The following FUT9 variants were observed in gnomAD, a reference collection of about 807,000 sequenced individuals.
FUT9 encodes 4-galactosyl-N-acetylglucosaminide 3-alpha-L-fucosyltransferase 9.
Under a neutral mutation model 29.7 loss-of-function variants are expected in FUT9, and 15 were observed. That is an observed-to-expected ratio of 0.51 (90% confidence interval 0.34 to 0.78). The LOEUF is 0.78. Among genes scored for constraint, FUT9 ranks in the 30% least tolerant of loss-of-function variants. The pLI is 0.01. For missense variants in FUT9, 319 were observed against 425.4 expected (o/e 0.75, Z 2.20); for synonymous variants, 169 against 153.7 (o/e 1.10, Z -0.74).
intron 2 of FUT9, among the ~76,000 whole-genome samples, chr6:96,125,615 T>C (rs967982215): frequency 2.6e-4 from 40 of 152,176 alleles, no homozygotes; most frequent in African/African-American, 9.7e-4. Flanking sequence ...GATGAAGTCG[T>C]TGGGTCAAGG....
At chr6:96,093,111 A>G (rs1458893698) in intron 1 of FUT9, among the ~76,000 whole-genome samples, 1 of 151,984 alleles carries the variant, frequency 6.6e-6, no homozygotes, top group Non-Finnish European at 1.5e-5. Flanking sequence ...GTTATTTCTC[A>G]TTGACTTATG....
chr6:96,159,858 T>A (rs2127979510), intron 2 of FUT9, among the ~76,000 whole-genome samples: 1 of 152,300 alleles, frequency 6.6e-6, no homozygotes, highest in South Asian at 2.1e-4. Context: ...GCATCACTGA[T>A]CCATGCTTTA....
At chr6:96,026,627 C>T (rs1770173814) in intron 1 of FUT9, among the ~76,000 whole-genome samples, 2 of 151,518 alleles carry the variant, frequency 1.3e-5, no homozygotes, top group Admixed American at 6.6e-5. Flanking sequence ...TGAAGGGTGT[C>T]CAAATTTTCC....
chr6:96,054,757 T>C (rs1010757623), intron 1 of FUT9, among the ~76,000 whole-genome samples: 1 of 152,184 alleles, frequency 6.6e-6, no homozygotes, highest in Non-Finnish European at 1.5e-5. Context: ...AATCCCTTTG[T>C]ATTTCAGTAC....
chr6:96,017,370 C>A (rs1769998061), intron 1 of FUT9, among the ~76,000 whole-genome samples: 1 of 152,062 alleles, frequency 6.6e-6, no homozygotes, highest in Admixed American at 6.6e-5. Context: ...GAACAGTAGT[C>A]GTTTCTTCTG....
intron 2 of FUT9, among the ~76,000 whole-genome samples, chr6:96,158,301 C>T (rs561446792): frequency 6.6e-6 from 1 of 152,080 alleles, no homozygotes; most frequent in Non-Finnish European, 1.5e-5. Context: ...CAAGGATTTT[C>T]CCCACTGTGC....
chr6:96,020,253 C>T (rs979370578), intron 1 of FUT9, among the ~76,000 whole-genome samples: 3 of 152,134 alleles, frequency 2.0e-5, no homozygotes, highest in African/African-American at 7.2e-5. Context: ...AATAGCATGT[C>T]ATGGACACTT....
intron 2 of FUT9, among the ~76,000 whole-genome samples, chr6:96,129,980 T>C (rs1040007536): frequency 6.6e-6 from 1 of 152,056 alleles, no homozygotes; most frequent in Admixed American, 6.5e-5. Flanking sequence ...TTTACCACAG[T>C]TGTAGGGCTT....
chr6:96,129,291 AAC>A (rs1248158722), intron 2 of FUT9, among the ~76,000 whole-genome samples: 729 of 7,082 alleles, frequency 0.1, 61 homozygotes, highest in South Asian at 0.35. Flanking sequence ...AAAAAAAAAA[AAC>A]AAACAACCAG....
rs988551908 is a variant in FUT9, at chr6:96,213,591, A to T, written c.*9356A>T. On this transcript the variant is annotated 3_prime_UTR_variant, in exon 3 of 3. Coordinates refer to ENST00000302103, the MANE Select transcript of FUT9 (RefSeq NM_006581.4). ...TTATTTCTGATAAGAATTTAATTGCATTGTGCTAATAGTTGTTTATTGCTA... is the reference window on the plus strand; with the variant it reads ...TTATTTCTGATAAGAATTTAATTGCTTTGTGCTAATAGTTGTTTATTGCTA... 1.2e-4 allele frequency: 20 copies of T among 166,878 alleles called. No individual in the cohort carries two copies. The Admixed American group carries it at 1.3e-3, about 11-fold the overall frequency. The allele number at this position is 166,878 out of a possible 1,614,324, so 10.3% of individuals were successfully genotyped here. A position where few individuals can be genotyped will look rare whatever the true frequency, so the allele number is the denominator to read the frequency against.
intron 2 of FUT9, among the ~76,000 whole-genome samples, chr6:96,194,716 T>G (rs1490686087): frequency 8.0e-6 from 1 of 124,878 alleles, no homozygotes. Context: ...TTTTTTTTTT[T>G]TAATCTGTTG....
At chr6:96,102,333 G>C (rs1346959261) in intron 1 of FUT9, among the ~76,000 whole-genome samples, 1 of 151,108 alleles carries the variant, frequency 6.6e-6, no homozygotes, top group East Asian at 1.9e-4. Context: ...ATTTACCTGA[G>C]TTTAAAAAAA....
chr6:96,204,002 G>T lies in FUT9; in HGVS notation c.847G>T (p.Ala283Ser). The T allele has an allele frequency of 1.2e-6, 2 of 1,610,046 alleles. No individual in the cohort carries two copies. The highest frequency in any genetic ancestry group is 4.5e-5 in the East Asian group (2 of 44,830). Residue 283 changes from alanine to serine, a missense_variant, in exon 3 of 3, where the codon GCA becomes TCA. Coordinates refer to ENST00000302103, the MANE Select transcript of FUT9 (RefSeq NM_006581.4). ...SRENYENYIP[A>S]DSFIHVEDYN... Reference sequence around the variant, plus strand: ...GGAAAACTATGAGAATTATATTCCAGCAGATTCATTCATTCATGTGGAAGA... The same window carrying T: ...GGAAAACTATGAGAATTATATTCCATCAGATTCATTCATTCATGTGGAAGA...
intron 1 of FUT9, among the ~76,000 whole-genome samples, chr6:96,101,856 A>G (rs1582230135): frequency 6.7e-6 from 1 of 149,534 alleles, no homozygotes; most frequent in African/African-American, 2.5e-5. Context: ...AGGTCTTGCT[A>G]TGCTGCACAG....
chr6:96,080,306 C>T (rs903652179), intron 1 of FUT9, among the ~76,000 whole-genome samples: 1 of 151,780 alleles, frequency 6.6e-6, no homozygotes, highest in Non-Finnish European at 1.5e-5. Flanking sequence ...TAAATAACTT[C>T]TTTAATAATT....
intron 1 of FUT9, among the ~76,000 whole-genome samples, chr6:96,106,475 T>A (rs887049322): frequency 6.6e-6 from 1 of 152,094 alleles, no homozygotes; most frequent in Non-Finnish European, 1.5e-5. Flanking sequence ...CCTGGCCTAC[T>A]TTCCCAATCC....
intron 1 of FUT9, among the ~76,000 whole-genome samples, chr6:96,081,834 T>C (rs1211600444): frequency 1.3e-5 from 2 of 151,968 alleles, no homozygotes; most frequent in Non-Finnish European, 2.9e-5. Flanking sequence ...ATACTCATTA[T>C]TGTCTCTGAC....
intron 2 of FUT9, among the ~76,000 whole-genome samples, chr6:96,196,780 T>C (rs1773634573): frequency 6.6e-6 from 1 of 152,170 alleles, no homozygotes; most frequent in Admixed American, 6.6e-5. Flanking sequence ...AGATTCTTCT[T>C]GGCTTCTCTT....
chr6:96,126,085 C>T (rs1450188352), intron 2 of FUT9, among the ~76,000 whole-genome samples: 1 of 152,124 alleles, frequency 6.6e-6, no homozygotes, highest in African/African-American at 2.4e-5. Flanking sequence ...TTAAGCCTCT[C>T]TCATGTCGGC....
Sources: gnomAD v4.1 joint callset for allele counts (sites outside exome capture counted in the v4.1 genomes callset) on GRCh38, gnomAD v4.1.1 for gene constraint, MANE v1.5 for transcripts, NCBI Gene and HGNC (gene_info 2026-07-23, HGNC 2026-07-21) for gene names.